The following PPP4R2 variants were observed in gnomAD, a reference collection of about 807,000 sequenced individuals.
PPP4R2 encodes protein phosphatase 4 regulatory subunit 2.
Under a neutral mutation model 47.2 loss-of-function variants are expected in PPP4R2, and 13 were observed. The observed-to-expected ratio is 0.28, with a 90% CI of 0.18 to 0.44. The LOEUF (loss-of-function observed/expected upper bound fraction) is 0.44, where lower values mean the gene tolerates loss of function less well. PPP4R2 is among the 20% of genes least tolerant of loss of function. The pLI is 1.00. For synonymous variants in PPP4R2, 151 were observed against 163.3 expected (o/e 0.92, Z 0.57); for missense variants, 421 against 491.2 (o/e 0.86, Z 1.35).
At chr3:73,019,160 A>C (rs530133061) in intron 2 of PPP4R2, among the ~76,000 whole-genome samples, 4 of 152,182 alleles carry the variant, frequency 2.6e-5, no homozygotes, top group Non-Finnish European at 5.9e-5. Context: ...TTACCATTAC[A>C]GGTTTGCAGG....
At chr3:73,021,795 T>C (rs1330784229) in intron 2 of PPP4R2, among the ~76,000 whole-genome samples, 2 of 151,944 alleles carry the variant, frequency 1.3e-5, no homozygotes, top group Non-Finnish European at 2.9e-5. Context: ...CAAACCACAG[T>C]ATCTGGTAGT....
At chr3:73,035,625 C>CTT (rs949999072) in intron 2 of PPP4R2, among the ~76,000 whole-genome samples, 1 of 151,078 alleles carries the variant, frequency 6.6e-6, no homozygotes. Context: ...CCTGCACTTT[C>CTT]TTTTTTTTTC....
intron 2 of PPP4R2, among the ~76,000 whole-genome samples, chr3:73,013,452 G>A (rs1034887321): frequency 6.6e-6 from 1 of 151,640 alleles, no homozygotes; most frequent in Admixed American, 6.6e-5. Context: ...AATTGATACT[G>A]CTTTAGATGT....
intron 3 of PPP4R2, among the ~76,000 whole-genome samples, chr3:73,056,639 C>A (rs559884384): frequency 2.6e-5 from 4 of 152,216 alleles, no homozygotes; most frequent in African/African-American, 9.6e-5. Flanking sequence ...TTGAAAAAAG[C>A]TTCTGAAATT....
chr3:73,041,734 T>A (rs1433764189), intron 2 of PPP4R2, among the ~76,000 whole-genome samples: 1 of 152,172 alleles, frequency 6.6e-6, no homozygotes, highest in Non-Finnish European at 1.5e-5. Context: ...TAGAGAGTAA[T>A]CTTAGTAGAA....
At chr3:73,050,137 G>A (rs1351819316) in intron 3 of PPP4R2, among the ~76,000 whole-genome samples, 1 of 151,908 alleles carries the variant, frequency 6.6e-6, no homozygotes, top group Admixed American at 6.6e-5. Flanking sequence ...TATTTGTTTT[G>A]TAGTTTTAGT....
At chr3:73,050,531 A>G (rs1465729708) in intron 3 of PPP4R2, among the ~76,000 whole-genome samples, 1 of 152,130 alleles carries the variant, frequency 6.6e-6, no homozygotes, top group East Asian at 1.9e-4. Flanking sequence ...GGGTTTGTCC[A>G]TTCTTATACA....
At chr3:73,060,634 C>T (rs1440244232) in intron 4 of PPP4R2, among the ~76,000 whole-genome samples, 1 of 152,026 alleles carries the variant, frequency 6.6e-6, no homozygotes, top group Non-Finnish European at 1.5e-5. Flanking sequence ...CACAACAAGC[C>T]GTGGATTGGG....
intron 2 of PPP4R2, among the ~76,000 whole-genome samples, chr3:73,045,826 T>A (rs1366146662): frequency 6.6e-6 from 1 of 152,180 alleles, no homozygotes; most frequent in Non-Finnish European, 1.5e-5. Flanking sequence ...CTAAATAAGC[T>A]TTATTTGTGT....
intron 4 of PPP4R2, among the ~76,000 whole-genome samples, chr3:73,060,154 G>A (rs758442270): frequency 6.6e-6 from 1 of 152,040 alleles, no homozygotes; most frequent in Non-Finnish European, 1.5e-5. Context: ...TTTTACCCTG[G>A]GAACAGGAAT....
At position 73,067,318 on chromosome 3, in the gene PPP4R2, T is replaced by G. The variant is rs1703017721; in HGVS notation, c.*1596T>G. 1 of 152,122 alleles carries G rather than the reference T, an allele frequency of 6.6e-6. No individual in the cohort carries two copies. Among genetic ancestry groups the G allele is most frequent in the Non-Finnish European group, 1.5e-5 (1 of 67,962 alleles). The allele number at this position is 152,122 out of a possible 1,614,324, so 9.4% of individuals were successfully genotyped here. ...TTTCTGACACTGTATAATATGCTTTTGGGTGATTTGGGGGGCAACCACAAG... is the reference window on the plus strand; with the variant it reads ...TTTCTGACACTGTATAATATGCTTTGGGGTGATTTGGGGGGCAACCACAAG... On this transcript the variant is annotated 3_prime_UTR_variant, in exon 9 of 9. Transcript: ENST00000356692.
chr3:73,051,408 G>A (rs990900476), intron 3 of PPP4R2, among the ~76,000 whole-genome samples: 3 of 152,180 alleles, frequency 2.0e-5, no homozygotes, highest in Non-Finnish European at 4.4e-5. Flanking sequence ...TTGATTGCAA[G>A]TGAAATGGAA....
rs199756847 is a variant in PPP4R2, at chr3:73,064,913, G to A, written c.700G>A (p.Asp234Asn). 8 of 1,613,680 alleles carry A rather than the reference G, an allele frequency of 5.0e-6. No individual in the cohort carries two copies. The African/African-American group carries it at 1.1e-4, about 22-fold the overall frequency. Residue 234 changes from aspartate (D) to asparagine (N), a missense_variant, in exon 8 of 9, where the codon GAT becomes AAT. Physicochemically the swap from Asp to Asn is conservative, Grantham distance 23. Transcript: ENST00000356692. ...SVSPLKNKHP[D>N]EDAVEAEGHE... ...GAGCCCTTTGAAAAATAAACATCCA[G>A]ATGAAGATGCTGTGGAAGCTGAGGG... is the stretch of plus-strand genomic sequence containing the variant.
chr3:72,997,359 C>T, intron 1 of PPP4R2: 1 of 326,004 alleles, frequency 3.1e-6, no homozygotes, highest in Non-Finnish European at 5.6e-6. Context: ...GGACGAGTGG[C>T]GGACCCGCAG....
chr3:73,050,469 T>G (rs1299518567), intron 3 of PPP4R2, among the ~76,000 whole-genome samples: 1 of 152,106 alleles, frequency 6.6e-6, no homozygotes, highest in African/African-American at 2.4e-5. Context: ...ATATATAGTT[T>G]TTTAAAATAT....
Position 73,065,640 on chromosome 3 carries a change from C to T in PPP4R2, c.1172C>T (p.Thr391Ile), listed in dbSNP as rs1337929084. Reference protein sequence around the residue: ...EELVGSNSSKTGEILSESSME... With the variant: ...EELVGSNSSKIGEILSESSME... ...TTAGTAGGATCCAATTCCAGTAAAA[C>T]TGGAGAGATTCTTTCAGAATCATCC... The change falls in exon 9 of 9, where the codon ACT becomes ATT. Residue 391 changes from threonine (T) to isoleucine (I), a missense_variant. Thr to Ile is a moderately conservative substitution (Grantham distance 89). Coordinates refer to ENST00000356692, the MANE Select transcript of PPP4R2 (RefSeq NM_174907.4). The T allele has an allele frequency of 1.9e-6, 3 of 1,613,094 alleles. No individual in the cohort carries two copies. Among genetic ancestry groups the T allele is most frequent in the Non-Finnish European group, 2.5e-6 (3 of 1,179,192 alleles).
intron 2 of PPP4R2, among the ~76,000 whole-genome samples, chr3:73,000,060 T>G (rs1701427682): frequency 6.6e-6 from 1 of 152,208 alleles, no homozygotes; most frequent in Non-Finnish European, 1.5e-5. Context: ...ATTTAGACTT[T>G]TCTGATGTTT....
At position 73,061,040 on chromosome 3, in the gene PPP4R2, C is replaced by T; in HGVS notation, c.399C>T (p.Ser133=). The T allele has an allele frequency of 3.9e-6, 6 of 1,550,894 alleles. No homozygotes were observed. The highest frequency in any genetic ancestry group is 5.3e-6 in the Non-Finnish European group (6 of 1,141,976). ...TATTGCAGAATGTGATGGTTGTTAG[C>T]TGTGTTTATCCTTCTTCAGAGTAAG... ...RGVEKNVMVV[S]CVYPSSEKNN... Residue 133 remains serine, a synonymous_variant, in exon 5 of 9, where the codon AGC becomes AGT. Coordinates refer to ENST00000356692, the MANE Select transcript of PPP4R2 (RefSeq NM_174907.4).
chr3:73,043,356 G>A (rs888956264), intron 2 of PPP4R2, among the ~76,000 whole-genome samples: 4 of 151,998 alleles, frequency 2.6e-5, no homozygotes, highest in Non-Finnish European at 5.9e-5. Flanking sequence ...TTCTAAAATA[G>A]GATAGGGAAA....
Sources: gnomAD v4.1 joint callset for allele counts (sites outside exome capture counted in the v4.1 genomes callset) on GRCh38, gnomAD v4.1.1 for gene constraint, MANE v1.5 for transcripts, NCBI Gene and HGNC (gene_info 2026-07-23, HGNC 2026-07-21) for gene names.